Variants in SLC28A1 observed in about 807,000 individuals in gnomAD.
SLC28A1 encodes solute carrier family 28 member 1, also known as sodium/nucleoside cotransporter 1.
SLC28A1 carries 64 observed loss-of-function variants against 74.8 expected under a neutral mutation model. The ratio of observed to expected loss-of-function variants is 0.86; its 90% confidence interval spans 0.70 to 1.05. The LOEUF (loss-of-function observed/expected upper bound fraction) is 1.05, where lower values mean the gene tolerates loss of function less well. SLC28A1 is among the 50% of genes least tolerant of loss of function. The pLI is 0.00. For synonymous variants in SLC28A1, 359 were observed against 335.0 expected, an observed-to-expected ratio of 1.07 and a Z score of -0.78; for missense variants, 828 against 822.8, an observed-to-expected ratio of 1.01 and a Z score of -0.08.
rs1031175083 is a variant in SLC28A1, at chr15:84,944,580, C to T, written c.1678C>T (p.Gln560Ter). The part of the protein sequence containing the change: ...MLGGLTSMVP[Q>*]RKSDFSQIVL... ...TCCCCTTGCAGCCTCCATGGTCCCC[C>T]AACGGAAGAGCGACTTCTCCCAGAT... Residue 560 changes from glutamine to a stop codon, truncating the protein, a stop_gained, in exon 17 of 19, where the codon CAA (glutamine) becomes TAA (stop). Coordinates refer to ENST00000394573, the MANE Select transcript of SLC28A1 (RefSeq NM_004213.5). LOFTEE classifies it high-confidence loss of function. The T allele has an allele frequency of 4.3e-6, 7 of 1,613,448 alleles. No individual in the cohort carries two copies. The East Asian group carries it at 1.1e-4, about 26-fold the overall frequency.
chr15:84,886,861 C>G (rs1964662296), intron 2 of SLC28A1, 74 bp downstream of exon 2: 2 of 803,358 alleles, frequency 2.5e-6, no homozygotes, highest in African/African-American at 3.7e-5. Flanking sequence ...TTCCCAGGCT[C>G]TGCCTGTGTG....
At chr15:84,910,409 G>A (rs762353399) in intron 9 of SLC28A1, among the ~76,000 whole-genome samples, 2 of 152,168 alleles carry the variant, frequency 1.3e-5, no homozygotes, top group Non-Finnish European at 2.9e-5. Context: ...AGGCAGGGAG[G>A]CTCCCGCAGC....
At chr15:84,932,039 G>GC (rs746630840) in intron 12 of SLC28A1, among the ~76,000 whole-genome samples, 1 of 152,016 alleles carries the variant, frequency 6.6e-6, no homozygotes, top group Non-Finnish European at 1.5e-5. Flanking sequence ...ATCACCCCTG[G>GC]CCCCAGCAGC....
chr15:84,886,350 C>G (rs535808158), intron 1 of SLC28A1: 2 of 985,162 alleles, frequency 2.0e-6, no homozygotes, highest in African/African-American at 3.5e-5. Flanking sequence ...AAGCTAACAG[C>G]CTGGCTGGGG....
the SLC28A1 span, chr15:84,961,580 A>T: frequency 2.2e-6 from 1 of 447,664 alleles, no homozygotes; most frequent in Non-Finnish European, 4.5e-6. Flanking sequence ...GCCTTAAATG[A>T]TCCTACTGCC....
chr15:84,939,341 G>A (rs1972365161), intron 15 of SLC28A1, among the ~76,000 whole-genome samples: 1 of 151,870 alleles, frequency 6.6e-6, no homozygotes, highest in African/African-American at 2.4e-5. Flanking sequence ...CAGAGAGAAG[G>A]AAGCAAGAAA....
the SLC28A1 span, among the ~76,000 whole-genome samples, chr15:84,972,075 C>G: frequency 6.6e-6 from 1 of 152,360 alleles, no homozygotes; most frequent in South Asian, 2.1e-4. Flanking sequence ...CATTGCTGAG[C>G]TGCTAGAGGG....
chr15:84,944,131 G>A (rs183712260), intron 16 of SLC28A1, among the ~76,000 whole-genome samples: 134 of 152,284 alleles, frequency 8.8e-4, no homozygotes, highest in African/African-American at 3.2e-3. Flanking sequence ...GCCTAAGGTC[G>A]AAGGGTCTGC....
At chr15:84,927,254 A>C (rs1343168739) in intron 12 of SLC28A1, among the ~76,000 whole-genome samples, 1 of 152,212 alleles carries the variant, frequency 6.6e-6, no homozygotes, top group Non-Finnish European at 1.5e-5. Context: ...TCACTGAAAA[A>C]TCAGCTCACA....
At chr15:84,956,430 T>TCTTCCTTCCTTCCTTCCTTCCTTCCTTC in the SLC28A1 span, among the ~76,000 whole-genome samples, 2 of 128,492 alleles carry the variant, frequency 1.6e-5, no homozygotes, top group African/African-American at 6.6e-5. Flanking sequence ...TCCTTCTTTC[T>TCTTCCTTCCTTCCTTCCTTCCTTCCTTC]CTTCCTTCCT....
intron 12 of SLC28A1, among the ~76,000 whole-genome samples, chr15:84,927,649 C>T (rs1456951964): frequency 6.6e-6 from 1 of 152,132 alleles, no homozygotes; most frequent in Non-Finnish European, 1.5e-5. Flanking sequence ...TGTTTTTAGG[C>T]TTTATGGCTG....
At chr15:84,969,786 G>A in the SLC28A1 span, among the ~76,000 whole-genome samples, 5 of 152,146 alleles carry the variant, frequency 3.3e-5, no homozygotes, top group African/African-American at 1.2e-4. Flanking sequence ...GGGGTGTAGT[G>A]GGAGAGAATG....
rs1277356862 is a variant in SLC28A1, at chr15:84,905,671, G to A, written c.717+19G>A. The A allele has an allele frequency of 3.2e-6, 5 of 1,544,210 alleles. No homozygotes were observed. Among genetic ancestry groups the A allele is most frequent in the South Asian group, 1.1e-5 (1 of 89,248 alleles). ...GATCCGGGTAGGTATGTGGGGTCTG[G>A]CTGCCCAGAGCATCTTAGATTACTG... On this transcript the variant is annotated intron_variant, in intron 8 of 18. Coordinates refer to ENST00000394573, the MANE Select transcript of SLC28A1 (RefSeq NM_004213.5).
intron 5 of SLC28A1, 55 bp from the exon 6 acceptor site, chr15:84,894,885 G>T: frequency 6.4e-7 from 1 of 1,565,158 alleles, no homozygotes; most frequent in South Asian, 1.1e-5. Flanking sequence ...GGGGCTGCAG[G>T]GTTCTGAAGA....
the SLC28A1 span, among the ~76,000 whole-genome samples, chr15:84,958,184 C>T: frequency 3.9e-5 from 6 of 151,906 alleles, no homozygotes; most frequent in Admixed American, 2.6e-4. Context: ...TATATAAATC[C>T]GCAAGCTCTG....
At chr15:84,972,090 C>A in the SLC28A1 span, among the ~76,000 whole-genome samples, 117 of 152,332 alleles carry the variant, frequency 7.7e-4, no homozygotes, top group African/African-American at 2.7e-3. Context: ...AGAGGGGCTG[C>A]CCCCACCCTA....
intron 5 of SLC28A1, among the ~76,000 whole-genome samples, chr15:84,894,553 A>G (rs913017392): frequency 7.2e-5 from 11 of 151,954 alleles, no homozygotes; most frequent in African/African-American, 2.7e-4. Context: ...ACATGTGTAA[A>G]CTCCTTCACG....
At chr15:84,934,305 T>G (rs1448274467) in intron 13 of SLC28A1, among the ~76,000 whole-genome samples, 5 of 152,184 alleles carry the variant, frequency 3.3e-5, no homozygotes, top group Non-Finnish European at 1.5e-5. Flanking sequence ...TGTGTGTACA[T>G]GTTGAGGAGG....
chr15:84,908,477 C>G (rs935948888), intron 8 of SLC28A1, among the ~76,000 whole-genome samples: 1 of 152,158 alleles, frequency 6.6e-6, no homozygotes, highest in Non-Finnish European at 1.5e-5. Flanking sequence ...AGCCACTGCA[C>G]CCAGCCTGCA....
Sources: gnomAD v4.1 joint callset for allele counts (sites outside exome capture counted in the v4.1 genomes callset) on GRCh38, gnomAD v4.1.1 for gene constraint, MANE v1.5 for transcripts, NCBI Gene and HGNC (gene_info 2026-07-23, HGNC 2026-07-21) for gene names.